The following PCDHA11 variants were observed in gnomAD, a reference collection of about 807,000 sequenced individuals.
The protein encoded by PCDHA11 is protocadherin alpha-11.
In PCDHA11, 61 loss-of-function variants were observed where a neutral mutation model predicts 70.3. That is an observed-to-expected ratio of 0.87 (90% CI 0.71 to 1.07). The LOEUF is 1.07. Among genes scored for constraint, PCDHA11 ranks in the 50% least tolerant of loss-of-function variants. PCDHA11 has a pLI of 0.00. For synonymous variants in PCDHA11, 633 were observed against 555.1 expected (o/e 1.14, Z -1.97); for missense variants, 1,324 against 1,237.5 (o/e 1.07, Z -1.05).
rs1554262648 is a variant in PCDHA11, at chr5:141,010,047, A to G, written c.*110A>G. On this transcript the variant is annotated 3_prime_UTR_variant, in exon 4 of 4. Coordinates refer to ENST00000398640, the MANE Select transcript of PCDHA11 (RefSeq NM_018902.5). The stretch of plus-strand genomic sequence containing the variant: ...CCTATCTACATGAGCCCTCTTAGAG[A>G]CCTCAGAAATCTGCAGAAAGTTCCC... 1.9e-6 allele frequency: 3 copies of G among 1,595,144 alleles called. No homozygotes were observed. The highest frequency in any genetic ancestry group is 1.7e-6 in the Non-Finnish European group (2 of 1,171,458).
At chr5:141,008,347 G>A (rs551037675) in intron 3 of PCDHA11, among the ~76,000 whole-genome samples, 7 of 152,244 alleles carry the variant, frequency 4.6e-5, no homozygotes, top group South Asian at 2.1e-4. Flanking sequence ...AGCTTTTCAC[G>A]TGTCAACCAA....
rs782168219 is a variant in PCDHA11, at chr5:140,871,350, C to G, written c.2247C>G (p.Tyr749Ter). 6.2e-7 allele frequency: 1 copy of G among 1,614,194 alleles called. No individual in the cohort carries two copies. The highest frequency in any genetic ancestry group is 2.2e-5 in the East Asian group (1 of 44,880). Residue 749 changes from tyrosine to a stop codon, truncating the protein, a stop_gained, in exon 1 of 4, where the codon TAC becomes TAG. Transcript: ENST00000398640. LOFTEE classifies it high-confidence loss of function. ...VCSRAVGSWS[Y>*]SQQRRQRVCS... ...CCCGCGCGGTGGGGAGCTGGTCATACTCGCAGCAGAGGCGGCAGAGGGTGT... is the reference window on the plus strand; with the variant it reads ...CCCGCGCGGTGGGGAGCTGGTCATAGTCGCAGCAGAGGCGGCAGAGGGTGT...
intron 1 of PCDHA11, among the ~76,000 whole-genome samples, chr5:140,935,909 T>C (rs1452831803): frequency 6.6e-6 from 1 of 151,600 alleles, no homozygotes; most frequent in African/African-American, 2.4e-5. Flanking sequence ...TTTTTTTTTT[T>C]TGAGACAGAT....
chr5:140,884,824 T>A, intron 1 of PCDHA11: 1 of 993,590 alleles, frequency 1.0e-6, no homozygotes, highest in Non-Finnish European at 1.4e-6. Context: ...ACATTATGTG[T>A]TGGATTATCC....
Position 140,927,344 on chromosome 5 carries a change from A to G in PCDHA11, c.2392-51605A>G, listed in dbSNP as rs144568777. 1.0e-4 allele frequency: 168 copies of G among 1,613,994 alleles called. No homozygotes were observed. Among genetic ancestry groups the G allele is most frequent in the Middle Eastern group, 8.2e-4 (5 of 6,062 alleles). On this transcript the variant is annotated intron_variant, in intron 1 of 3. Transcript: ENST00000398640. ...TTTACTCTCCCGAATGCCCAAGATGACGACGAGGGAAGCAATGGGATACTA... is the reference window on the plus strand; with the variant it reads ...TTTACTCTCCCGAATGCCCAAGATGGCGACGAGGGAAGCAATGGGATACTA...
chr5:141,006,794 A>G (rs1416356472), intron 3 of PCDHA11, among the ~76,000 whole-genome samples: 1 of 152,160 alleles, frequency 6.6e-6, no homozygotes, highest in African/African-American at 2.4e-5. Context: ...ATTAGCTTTG[A>G]ACTTTCTGGC....
chr5:141,000,005 C>T (rs2097888446), intron 3 of PCDHA11, among the ~76,000 whole-genome samples: 1 of 152,024 alleles, frequency 6.6e-6, no homozygotes. Context: ...ATTAGATTGG[C>T]CTCCCCATTG....
chr5:140,985,139 G>A (rs782548607), intron 3 of PCDHA11, among the ~76,000 whole-genome samples: 6 of 152,126 alleles, frequency 3.9e-5, no homozygotes, highest in South Asian at 2.1e-4. Flanking sequence ...GGGTTTCACC[G>A]TGTTAGCCAG....
At position 140,870,193 on chromosome 5, in the gene PCDHA11, C is replaced by T; in HGVS notation, c.1090C>T (p.Pro364Ser). Residue 364 changes from proline to serine, a missense_variant, in exon 1 of 4, where the codon CCC (proline) becomes TCC (serine). Physicochemically the swap from Pro to Ser is moderately conservative, Grantham distance 74. Coordinates refer to ENST00000398640, the MANE Select transcript of PCDHA11 (RefSeq NM_018902.5). ...LSLPVREDAQ[P>S]STVIALISVS... ...CCTCCCAGTACGAGAGGACGCTCAG[C>T]CCAGCACGGTCATTGCCCTGATCAG... The T allele has an allele frequency of 1.2e-6, 2 of 1,614,156 alleles. No individual in the cohort carries two copies. The highest frequency in any genetic ancestry group is 8.5e-7 in the Non-Finnish European group (1 of 1,180,042).
intron 1 of PCDHA11, among the ~76,000 whole-genome samples, chr5:140,898,020 AC>A (rs1483113036): frequency 6.6e-6 from 1 of 152,078 alleles, no homozygotes; most frequent in Non-Finnish European, 1.5e-5. Flanking sequence ...TCCTTTGCCC[AC>A]TTTTTGATGG....
chr5:140,998,005 C>G (rs539275150), intron 3 of PCDHA11, among the ~76,000 whole-genome samples: 1 of 152,164 alleles, frequency 6.6e-6, no homozygotes, highest in South Asian at 2.1e-4. Flanking sequence ...TCTGAGCCTT[C>G]CATCCCCACC....
At chr5:140,872,512 A>T (rs2053716713) in intron 1 of PCDHA11, among the ~76,000 whole-genome samples, 1 of 152,126 alleles carries the variant, frequency 6.6e-6, no homozygotes, top group Admixed American at 6.5e-5. Context: ...CTGTAGTCCC[A>T]GTTTCTTGGG....
At chr5:140,924,588 T>C (rs2081910916) in intron 1 of PCDHA11, among the ~76,000 whole-genome samples, 1 of 152,212 alleles carries the variant, frequency 6.6e-6, no homozygotes, top group East Asian at 1.9e-4. Context: ...TCAAATATTA[T>C]AGAAATATGC....
chr5:140,963,856 C>T lies in PCDHA11; in HGVS notation c.2392-15093C>T, dbSNP rs76429225. 1.1e-4 allele frequency among the ~76,000 whole-genome samples: 16 copies of T among 152,242 alleles called. No individual in the cohort carries two copies. The East Asian group carries it at 2.5e-3, about 24-fold the overall frequency. On this transcript the variant is annotated intron_variant, in intron 1 of 3. Coordinates refer to ENST00000398640, the MANE Select transcript of PCDHA11 (RefSeq NM_018902.5). ...TTTCTCATGTAATCATAATAATAAC[C>T]GTATGAGTTTTGCTTACTATTGTTT... is the stretch of plus-strand genomic sequence containing the variant.
rs1166002941 is a variant in PCDHA11 at position 141,000,351 on chromosome 5, G to A, written c.2540-9276G>A. ...ACAGCAAGGCCCTATCTCTCTCTCT[G>A]TCTCTCTCTGTCTCTCTCTCTCTCT... On this transcript the variant is annotated intron_variant, in intron 3 of 3. Transcript: ENST00000398640. Among the ~76,000 whole-genome samples the A allele has an allele frequency of 6.0e-5, 4 of 66,852 alleles. No homozygotes were observed. The Admixed American group carries it at 6.5e-4, about 11-fold the overall frequency. 43.9% of individuals were successfully genotyped at this position (66,852 alleles called of 152,430 possible).
intron 3 of PCDHA11, among the ~76,000 whole-genome samples, chr5:141,000,680 T>C (rs953789526): frequency 1.3e-5 from 2 of 151,376 alleles, no homozygotes; most frequent in African/African-American, 2.4e-5. Flanking sequence ...CACCTGCCTC[T>C]GCCTCCCAAA....
intron 1 of PCDHA11, among the ~76,000 whole-genome samples, chr5:140,878,853 A>G (rs565644052): frequency 1.3e-5 from 2 of 152,352 alleles, no homozygotes; most frequent in East Asian, 3.9e-4. Context: ...TCTGGGTTCA[A>G]CTGATCCTCC....
Position 141,009,823 on chromosome 5 carries a change from C to T in PCDHA11, c.2736C>T (p.Phe912=), listed in dbSNP as rs2098414711. Residue 912 remains phenylalanine, a synonymous_variant, in exon 4 of 4, where the codon TTC becomes TTT. Transcript: ENST00000398640. The part of the protein sequence containing the change: ...PTNSQIDKSD[F]ITFGKKEETK... ...ACAGCCAAATTGACAAAAGTGACTTCATAACCTTCGGCAAAAAGGAGGAGA... is the reference window on the plus strand; with the variant it reads ...ACAGCCAAATTGACAAAAGTGACTTTATAACCTTCGGCAAAAAGGAGGAGA... 4 of 1,614,030 alleles carry T rather than the reference C, an allele frequency of 2.5e-6. No individual in the cohort carries two copies. The highest frequency in any genetic ancestry group is 3.4e-6 in the Non-Finnish European group (4 of 1,180,010).
chr5:140,943,923 C>A (rs1454812803), intron 1 of PCDHA11, among the ~76,000 whole-genome samples: 1 of 152,162 alleles, frequency 6.6e-6, no homozygotes, highest in Non-Finnish European at 1.5e-5. Flanking sequence ...GCATGAGCAG[C>A]TTTAGAAGTG....
Sources: allele counts gnomAD v4.1 joint callset (sites outside exome capture counted in the v4.1 genomes callset), GRCh38; gene constraint gnomAD v4.1.1; transcripts MANE v1.5; gene names NCBI Gene and HGNC (gene_info 2026-07-23, HGNC 2026-07-21).